The following POLR1D variants were observed in gnomAD, a reference collection of about 807,000 sequenced individuals.
The protein encoded by POLR1D is RNA polymerase I and III subunit D, also known as DNA-directed RNA polymerases I and III subunit RPAC2.
Under a neutral mutation model 10.8 loss-of-function variants are expected in POLR1D, and 8 were observed. That is an observed-to-expected ratio of 0.74 (90% CI 0.43 to 1.33). The LOEUF (loss-of-function observed/expected upper bound fraction) is 1.33. POLR1D is among the 40% of genes most tolerant of loss of function. The probability of loss-of-function intolerance (pLI) is 0.01; values close to 1 mark genes in which losing one functional copy is unlikely to be tolerated. For missense variants in POLR1D, 152 were observed against 161.7 expected, an observed-to-expected ratio of 0.94 and a Z score of 0.32; for synonymous variants, 54 against 57.2, an observed-to-expected ratio of 0.94 and a Z score of 0.25.
downstream of POLR1D, among the ~76,000 whole-genome samples, chr13:27,624,032 G>A (rs1357845047): frequency 6.6e-6 from 1 of 152,094 alleles, no homozygotes; most frequent in African/African-American, 2.4e-5. Context: ...TTGAGAGAAG[G>A]TAAAGCCAAG....
intron 1 of POLR1D, chr13:27,622,276 G>T (rs1360649878): frequency 1.8e-6 from 1 of 569,588 alleles, no homozygotes. Context: ...TAAAAATCAC[G>T]CCCCGGGCCT....
chr13:27,666,379 G>A (rs923035244), exon 3 of POLR1D: 3 of 160,808 alleles, frequency 1.9e-5, no homozygotes, highest in African/African-American at 7.2e-5. Flanking sequence ...CATCAGTCCA[G>A]TGACCATATT....
intron 1 of POLR1D, among the ~76,000 whole-genome samples, chr13:27,638,763 A>C (rs1470189078): frequency 1.3e-5 from 2 of 152,178 alleles, no homozygotes; most frequent in African/African-American, 2.4e-5. Context: ...TCTACAGAGA[A>C]CTGCAGATGA....
downstream of POLR1D, among the ~76,000 whole-genome samples, chr13:27,627,228 ATTTTC>A (rs1956020422): frequency 6.7e-6 from 1 of 149,746 alleles, no homozygotes; most frequent in African/African-American, 2.5e-5. Context: ...TAATGTTGCT[ATTTTC>A]TTTTCCTGCT....
At chr13:27,648,567 A>G in intron 2 of POLR1D, 3 of 677,856 alleles carry the variant, frequency 4.4e-6, no homozygotes, top group Non-Finnish European at 8.0e-6. Context: ...AGCAGAGGAA[A>G]TCTCTCAGAG....
At position 27,663,163 on chromosome 13, in the gene POLR1D, A is replaced by T. The variant is rs1956381175; in HGVS notation, c.102-2523A>T. 1.3e-5 allele frequency among the ~76,000 whole-genome samples: 2 copies of T among 152,168 alleles called. No homozygotes were observed. Among genetic ancestry groups the T allele is most frequent in the South Asian group, 4.1e-4 (2 of 4,832 alleles). On this transcript the variant is annotated intron_variant, in intron 2 of 2. Coordinates refer to the POLR1D transcript ENST00000399697. This position sits in a 1 kb window ranked among gnomAD's most constrained non-coding sequence, Gnocchi z 4.1. ...TTTTGGAATTTCTTTATATAAAATG[A>T]TTTACTATATGTACCTTCACATCTG...
At position 27,622,418 on chromosome 13, in the gene POLR1D, TC is replaced by T. The variant is rs1239277894; in HGVS notation, c.26+411del. The T allele has an allele frequency of 1.0e-5, 3 of 299,980 alleles. No individual in the cohort carries two copies. The East Asian group carries it at 2.3e-4, about 23-fold the overall frequency. 18.6% of individuals were successfully genotyped at this position (299,980 alleles called of 1,614,324 possible). ...TCCCTGCTGCTTGACTCCTGAACCTTCCATTCTCCTAGTTTCCTTCTCTTGC... is the reference window on the plus strand; with the variant it reads ...TCCCTGCTGCTTGACTCCTGAACCTTCATTCTCCTAGTTTCCTTCTCTTGC... On this transcript the variant is annotated intron_variant, in intron 1 of 1. Transcript: ENST00000302979.
intron 1 of POLR1D, 112 bp downstream of exon 1, chr13:27,622,121 A>C (rs938032639): frequency 1.7e-5 from 15 of 874,874 alleles, no homozygotes; most frequent in Admixed American, 8.1e-5. Context: ...CGCAGAGAAG[A>C]AGCATGGAGA....
At chr13:27,664,973 T>G (rs1956400866) in intron 2 of POLR1D, 1 of 152,300 alleles carries the variant, frequency 6.6e-6, no homozygotes. Flanking sequence ...TAATACATAG[T>G]ATATAAGTAG....
At position 27,663,285 on chromosome 13, in the gene POLR1D, G is replaced by GA. The variant is rs1186073874; in HGVS notation, c.102-2400dup. Among the ~76,000 whole-genome samples the GA allele has an allele frequency of 6.6e-6, 1 of 152,104 alleles. No homozygotes were observed. Among genetic ancestry groups the GA allele is most frequent in the Non-Finnish European group, 1.5e-5 (1 of 68,034 alleles). ...CTAAAATGTGTACTGGCATGCCTGGGAGATGTCTGACTTTCAAACCCCACC... is the reference window on the plus strand; with the variant it reads ...CTAAAATGTGTACTGGCATGCCTGGGAAGATGTCTGACTTTCAAACCCCACC... On this transcript the variant is annotated intron_variant, in intron 2 of 2. Coordinates refer to the POLR1D transcript ENST00000399697. This position sits in a 1 kb window ranked among gnomAD's most constrained non-coding sequence, Gnocchi z 4.1.
At chr13:27,621,854 C>G (rs1955929367), upstream of POLR1D, 2 of 959,804 alleles carry the variant, frequency 2.1e-6, no homozygotes, top group Admixed American at 4.0e-5. Context: ...GCGGCTCCTC[C>G]TCCCTCCTTC....
intron 1 of POLR1D, among the ~76,000 whole-genome samples, chr13:27,635,650 A>T (rs1028357870): frequency 5.9e-4 from 89 of 149,904 alleles, no homozygotes; most frequent in Middle Eastern, 3.5e-3. Flanking sequence ...TTATTTTTTT[A>T]AAAATTCTTA....
chr13:27,662,121 CTTGA>C (rs1337989793), intron 2 of POLR1D, among the ~76,000 whole-genome samples: 1 of 151,936 alleles, frequency 6.6e-6, no homozygotes, highest in Admixed American at 6.6e-5. Flanking sequence ...CTACTCTGTT[CTTGA>C]TTAACTTATT....
chr13:27,622,386 C>T (rs1021683076), intron 1 of POLR1D: 5 of 340,810 alleles, frequency 1.5e-5, no homozygotes, highest in Non-Finnish European at 2.2e-5. Flanking sequence ...GCGCTGAGCT[C>T]TTTTTCTCCC....
chr13:27,642,801 C>T (rs555018286), intron 1 of POLR1D, among the ~76,000 whole-genome samples: 1 of 152,282 alleles, frequency 6.6e-6, no homozygotes, highest in East Asian at 1.9e-4. Context: ...TCATAACAAC[C>T]CTGTGAAGTA....
chr13:27,646,794 TTGG>T (rs951306780), intron 1 of POLR1D, among the ~76,000 whole-genome samples: 13 of 152,298 alleles, frequency 8.5e-5, no homozygotes, highest in Admixed American at 2.6e-4. Context: ...ATTGTTTTCT[TTGG>T]TGGGTAGGGC....
At chr13:27,635,562 C>T (rs1228700035) in intron 1 of POLR1D, among the ~76,000 whole-genome samples, 2 of 151,770 alleles carry the variant, frequency 1.3e-5, no homozygotes, top group Non-Finnish European at 2.9e-5. Context: ...AATTGCTGTG[C>T]ACATGATATT....
chr13:27,621,180 A>T (rs2232666), upstream of POLR1D: 1 of 152,730 alleles, frequency 6.5e-6, no homozygotes, highest in East Asian at 1.9e-4. Context: ...TTGAGGAGCC[A>T]CTGGGGAGAA....
chr13:27,637,124 G>T (rs113285399), intron 1 of POLR1D, among the ~76,000 whole-genome samples: 81 of 152,204 alleles, frequency 5.3e-4, no homozygotes, highest in African/African-American at 1.9e-3. Context: ...CAGAATCATC[G>T]ATTGTATTAC....
Sources: allele counts gnomAD v4.1 joint callset (sites outside exome capture counted in the v4.1 genomes callset), GRCh38; gene constraint gnomAD v4.1.1; non-coding constraint Gnocchi (gnomAD v3.1); transcripts MANE v1.5; gene names NCBI Gene and HGNC (gene_info 2026-07-23, HGNC 2026-07-21).